Variants in BCAT1 observed in about 807,000 individuals in gnomAD.
The protein encoded by BCAT1 is branched chain amino acid transaminase 1.
Under a neutral mutation model 52.4 loss-of-function variants are expected in BCAT1, and 48 were observed. The ratio of observed to expected loss-of-function variants is 0.92; its 90% CI spans 0.73 to 1.16. BCAT1 has a LOEUF of 1.16. BCAT1 is among the 50% of genes most tolerant of loss of function. The pLI, the probability that BCAT1 is intolerant of heterozygous loss-of-function variation, is 0.00. For missense variants in BCAT1, 451 were observed against 457.1 expected (o/e 0.99, Z 0.12); for synonymous variants, 167 against 161.3 (o/e 1.04, Z -0.27).
At chr12:24,855,458 G>C (rs924216469) in intron 5 of BCAT1, among the ~76,000 whole-genome samples, 3 of 152,118 alleles carry the variant, frequency 2.0e-5, no homozygotes, top group Non-Finnish European at 2.9e-5. Context: ...TTGGCTCACT[G>C]CAACCTCCAC....
intron 3 of BCAT1, among the ~76,000 whole-genome samples, chr12:24,883,525 C>T (rs925523931): frequency 1.3e-5 from 2 of 152,072 alleles, no homozygotes; most frequent in Non-Finnish European, 2.9e-5. Flanking sequence ...GGCTTGAGGT[C>T]AGGAATTGGA....
rs531908375 is a variant in BCAT1 at position 24,815,359 on chromosome 12, C to T, written c.*2649G>A. 6.6e-6 allele frequency: 1 copy of T among 152,606 alleles called. No homozygotes were observed. The highest frequency in any genetic ancestry group is 6.5e-5 in the Admixed American group (1 of 15,282). The allele number at this position is 152,606 out of a possible 1,614,324, so 9.5% of individuals were successfully genotyped here. On this transcript the variant is annotated 3_prime_UTR_variant, in exon 11 of 11. Coordinates refer to ENST00000261192, the MANE Select transcript of BCAT1 (RefSeq NM_005504.7). Reference sequence around the variant, plus strand: ...CCAATTAAACATTAAATAATTGCAGCCAATTATGCAAATATCAGCAACAAT... The same window carrying T: ...CCAATTAAACATTAAATAATTGCAGTCAATTATGCAAATATCAGCAACAAT...
intron 1 of BCAT1, among the ~76,000 whole-genome samples, chr12:24,907,711 C>G (rs1167905865): frequency 6.6e-6 from 1 of 152,166 alleles, no homozygotes; most frequent in African/African-American, 2.4e-5. Flanking sequence ...CCTTAAGGTA[C>G]TTTGTAATAT....
At chr12:24,890,734 A>G (rs1942814165) in intron 3 of BCAT1, among the ~76,000 whole-genome samples, 1 of 152,198 alleles carries the variant, frequency 6.6e-6, no homozygotes, top group African/African-American at 2.4e-5. Flanking sequence ...TTCTTTAGCA[A>G]ATGATCAAGA....
chr12:24,837,631 T>C (rs1941037332), intron 7 of BCAT1, among the ~76,000 whole-genome samples: 1 of 151,970 alleles, frequency 6.6e-6, no homozygotes, highest in South Asian at 2.1e-4. Context: ...TTCACCATGT[T>C]GGTCAGGCTG....
At chr12:24,867,037 A>G (rs1433612297) in intron 5 of BCAT1, among the ~76,000 whole-genome samples, 1 of 152,080 alleles carries the variant, frequency 6.6e-6, no homozygotes, top group Non-Finnish European at 1.5e-5. Context: ...TTCACTCCTG[A>G]AGCCAGCGAG....
intron 5 of BCAT1, among the ~76,000 whole-genome samples, chr12:24,855,199 A>G (rs961643911): frequency 1.3e-5 from 2 of 152,100 alleles, no homozygotes; most frequent in African/African-American, 2.4e-5. Context: ...GTTGTTTTTC[A>G]GAACCTGGAT....
Position 24,816,093 on chromosome 12 carries a change from T to C in BCAT1, c.*1915A>G, listed in dbSNP as rs1481848253. ...TTCTCCCAAGATTTCAGATCACCAA[T>C]TAAAAGCCCCCTAAAAGATATTTTT... On this transcript the variant is annotated 3_prime_UTR_variant, in exon 11 of 11. Transcript: ENST00000261192. The C allele has an allele frequency of 6.5e-6, 1 of 154,160 alleles. No individual in the cohort carries two copies. The highest frequency in any genetic ancestry group is 2.4e-5 in the African/African-American group (1 of 41,564). The allele number at this position is 154,160 out of a possible 1,614,324, so 9.5% of individuals were successfully genotyped here.
chr12:24,875,594 G>C (rs1942311528), intron 5 of BCAT1, among the ~76,000 whole-genome samples: 1 of 152,118 alleles, frequency 6.6e-6, no homozygotes, highest in Non-Finnish European at 1.5e-5. Flanking sequence ...ATTCAGCAGG[G>C]CTTTTGTACT....
intron 7 of BCAT1, among the ~76,000 whole-genome samples, chr12:24,837,436 AT>A (rs35427447): frequency 0.027 from 3,248 of 121,896 alleles, 87 homozygotes; most frequent in African/African-American, 0.07. Flanking sequence ...GGAAAGTCTA[AT>A]TTTTTTTTTT....
intron 8 of BCAT1, chr12:24,833,894 C>T (rs1046208559): frequency 1.3e-5 from 2 of 150,690 alleles, no homozygotes; most frequent in African/African-American, 4.9e-5. Flanking sequence ...AATCTTGGCT[C>T]ATTGCAGCCT....
intron 5 of BCAT1, among the ~76,000 whole-genome samples, chr12:24,859,822 C>G: frequency 6.6e-6 from 1 of 151,910 alleles, no homozygotes; most frequent in Non-Finnish European, 1.5e-5. Context: ...TATGAGGTCC[C>G]CTTAAGTCCA....
chr12:24,947,726 A>G (rs1943953156), intron 1 of BCAT1, among the ~76,000 whole-genome samples: 1 of 152,216 alleles, frequency 6.6e-6, no homozygotes, highest in East Asian at 1.9e-4. Context: ...ATTAACCACA[A>G]CTGCACATGG....
At chr12:24,911,773 G>T (rs77721273) in intron 1 of BCAT1, among the ~76,000 whole-genome samples, 1 of 152,092 alleles carries the variant, frequency 6.6e-6, no homozygotes, top group Non-Finnish European at 1.5e-5. Context: ...AGCGTGGCAA[G>T]CCTCTAGGTC....
chr12:24,819,701 G>C (rs1940036011), intron 10 of BCAT1, among the ~76,000 whole-genome samples: 1 of 152,122 alleles, frequency 6.6e-6, no homozygotes, highest in Admixed American at 6.6e-5. Context: ...AGACCTCAGA[G>C]AGCAGAATCT....
At chr12:24,843,739 C>T (rs1941248246) in intron 6 of BCAT1, among the ~76,000 whole-genome samples, 2 of 152,088 alleles carry the variant, frequency 1.3e-5, no homozygotes, top group Admixed American at 1.3e-4. Flanking sequence ...GATAATATAG[C>T]ATCTTGCCCT....
intron 8 of BCAT1, among the ~76,000 whole-genome samples, chr12:24,835,088 G>C (rs182620326): frequency 6.6e-6 from 1 of 152,196 alleles, no homozygotes; most frequent in African/African-American, 2.4e-5. Flanking sequence ...CGAACCTTCT[G>C]TACTTGGTTG....
chr12:24,937,201 G>A (rs1943771813), intron 1 of BCAT1, among the ~76,000 whole-genome samples: 1 of 152,192 alleles, frequency 6.6e-6, no homozygotes, highest in African/African-American at 2.4e-5. Context: ...GGAGTCCCAA[G>A]GGTCTCTTTG....
intron 1 of BCAT1, among the ~76,000 whole-genome samples, chr12:24,933,685 G>A (rs116742540): frequency 0.021 from 3,259 of 152,082 alleles, 132 homozygotes; most frequent in African/African-American, 0.074. Context: ...CTCTCATGCC[G>A]GGAAAATTCA....
Sources: allele counts gnomAD v4.1 joint callset (sites outside exome capture counted in the v4.1 genomes callset), GRCh38; gene constraint gnomAD v4.1.1; transcripts MANE v1.5; gene names NCBI Gene and HGNC (gene_info 2026-07-23, HGNC 2026-07-21).